The following ANO5 variants were observed in gnomAD, a reference collection of about 807,000 sequenced individuals.
The protein encoded by ANO5 is anoctamin-5.
Under a neutral mutation model 121.0 loss-of-function variants are expected in ANO5, and 109 were observed. The observed-to-expected ratio is 0.90, with a 90% CI of 0.77 to 1.06. ANO5 has a LOEUF of 1.06. Ranked by LOEUF, ANO5 falls within the 50% of genes least tolerant of loss-of-function variation. ANO5 has a pLI of 0.00. For synonymous variants in ANO5, 406 were observed against 359.9 expected, an observed-to-expected ratio of 1.13 and a Z score of -1.45; for missense variants, 1,064 against 1,078.5, an observed-to-expected ratio of 0.99 and a Z score of 0.19.
At chr11:22,234,228 TC>T (rs1282032776) in intron 7 of ANO5, among the ~76,000 whole-genome samples, 2 of 152,114 alleles carry the variant, frequency 1.3e-5, no homozygotes, top group East Asian at 3.9e-4. Context: ...TTGGTCCTCT[TC>T]AATTAGGACA....
chr11:22,201,487 G>T (rs1422154052), intron 1 of ANO5, among the ~76,000 whole-genome samples: 1 of 152,146 alleles, frequency 6.6e-6, no homozygotes, highest in Non-Finnish European at 1.5e-5. Context: ...TCTGAAGGAT[G>T]TGAAGAATTA....
chr11:22,270,637 A>C (rs1039267277), intron 18 of ANO5, among the ~76,000 whole-genome samples, 195 bp downstream of exon 18: 1 of 152,202 alleles, frequency 6.6e-6, no homozygotes, highest in Non-Finnish European at 1.5e-5. Context: ...TGCAGAATAA[A>C]GTTTAGCTTC....
At chr11:22,275,454 A>G (rs761931075) in intron 20 of ANO5, among the ~76,000 whole-genome samples, 2 of 151,930 alleles carry the variant, frequency 1.3e-5, no homozygotes, top group African/African-American at 2.4e-5. Context: ...GAGTATAGTT[A>G]AATCATAGCC....
Position 22,257,630 on chromosome 11 carries a change from G to T in ANO5, c.1333-50G>T. ...GATATTGACTAGTGCTTGGAGTCTT[G>T]ACTTAGAGGGGAGATTTTGAATTTC... On this transcript the variant is annotated intron_variant, in intron 13 of 21. Transcript: ENST00000324559. 3 of 1,470,456 alleles carry T rather than the reference G, an allele frequency of 2.0e-6. No homozygotes were observed. In the South Asian group the frequency reaches 3.4e-5, roughly 17 times the overall value. 91.1% of individuals were successfully genotyped at this position (1,470,456 alleles called of 1,614,324 possible).
chr11:22,251,505 C>T (rs532779759), intron 12 of ANO5, among the ~76,000 whole-genome samples: 1 of 152,232 alleles, frequency 6.6e-6, no homozygotes, highest in South Asian at 2.1e-4. Flanking sequence ...TTTGAAAATG[C>T]CCTGCCCAGG....
intron 4 of ANO5, 96 bp downstream of exon 4, chr11:22,218,383 A>G: frequency 6.8e-7 from 1 of 1,480,252 alleles, no homozygotes; most frequent in Non-Finnish European, 9.4e-7. Context: ...ATTTGGGGGA[A>G]CATTGTCACT....
intron 3 of ANO5, among the ~76,000 whole-genome samples, chr11:22,211,555 A>G (rs528566738): frequency 6.6e-6 from 1 of 151,994 alleles, no homozygotes; most frequent in African/African-American, 2.4e-5. Flanking sequence ...TATTTTTTCT[A>G]TGAGAAAATG....
intron 1 of ANO5, among the ~76,000 whole-genome samples, chr11:22,202,479 C>A (rs1851994737): frequency 6.6e-6 from 1 of 151,962 alleles, no homozygotes; most frequent in African/African-American, 2.4e-5. Flanking sequence ...TTGACTTATA[C>A]AATTGCTTTA....
intron 18 of ANO5, among the ~76,000 whole-genome samples, chr11:22,272,518 A>T (rs1854658623): frequency 6.6e-6 from 1 of 152,182 alleles, no homozygotes; most frequent in East Asian, 1.9e-4. Flanking sequence ...AGAGGAATAG[A>T]ATCTTCCTTG....
chr11:22,210,454 A>G (rs1852242554), intron 2 of ANO5, among the ~76,000 whole-genome samples: 1 of 152,004 alleles, frequency 6.6e-6, no homozygotes, highest in Non-Finnish European at 1.5e-5. Flanking sequence ...TTATTTGGGC[A>G]TAATGAGATA....
intron 12 of ANO5, among the ~76,000 whole-genome samples, chr11:22,252,047 A>C (rs1234481206): frequency 1.4e-5 from 2 of 138,288 alleles, no homozygotes; most frequent in African/African-American, 6.2e-5. Flanking sequence ...AAAAAAAAAA[A>C]AAAAAAAAAA....
chr11:22,206,983 T>A (rs1411077064), intron 2 of ANO5, among the ~76,000 whole-genome samples: 1 of 152,086 alleles, frequency 6.6e-6, no homozygotes, highest in East Asian at 1.9e-4. Context: ...CCAGGTGACA[T>A]GACGATGTAC....
chr11:22,221,597 A>G (rs1852653330), intron 5 of ANO5, among the ~76,000 whole-genome samples: 1 of 152,000 alleles, frequency 6.6e-6, no homozygotes. Context: ...ATTGTACTCT[A>G]TTCCTGATTC....
At chr11:22,235,608 A>C (rs948810743) in intron 7 of ANO5, among the ~76,000 whole-genome samples, 3 of 152,174 alleles carry the variant, frequency 2.0e-5, no homozygotes, top group Admixed American at 1.3e-4. Flanking sequence ...GAATTCACAG[A>C]AATACAAGAG....
intron 2 of ANO5, among the ~76,000 whole-genome samples, chr11:22,207,264 G>C (rs1266327431): frequency 6.6e-6 from 1 of 152,026 alleles, no homozygotes; most frequent in African/African-American, 2.4e-5. Flanking sequence ...AAGAAAGTGG[G>C]AGAAAACCCT....
intron 8 of ANO5, among the ~76,000 whole-genome samples, chr11:22,238,102 C>CTAATTTGTGGG: frequency 6.6e-6 from 1 of 152,020 alleles, no homozygotes; most frequent in Admixed American, 6.6e-5. Flanking sequence ...GGTGCAGAAC[C>CTAATTTGTGGG]TGCAGATACA....
chr11:22,249,130 A>G (rs1853716408), intron 9 of ANO5, among the ~76,000 whole-genome samples: 1 of 152,052 alleles, frequency 6.6e-6, no homozygotes. Flanking sequence ...ACAATGCAAC[A>G]ATGTTCATCA....
In ANO5 at chr11:22,278,239, T is replaced by C. The variant is rs116027456; in HGVS notation, c.2521-1305T>C. On this transcript the variant is annotated intron_variant, in intron 21 of 21. Transcript: ENST00000324559. ...GAAGCTTCACAAGATGGTTCTTTGC[T>C]ATTTGTCAATATTCATTGTTTTAAA... Among the ~76,000 whole-genome samples the C allele has an allele frequency of 6.5e-3, 988 of 151,792 alleles. 9 individuals are homozygous for C. Among genetic ancestry groups the C allele is most frequent in the African/African-American group, 0.022 (933 of 41,512 alleles).
At position 22,259,706 on chromosome 11, in the gene ANO5, T is replaced by C; in HGVS notation, c.1595T>C (p.Phe532Ser). Reference sequence around the variant, plus strand: ...ATTGTCATCTTGATCTTGAATTTCTTTTATGAAAAGATATCTGCCTGGATC... The same window carrying C: ...ATTGTCATCTTGATCTTGAATTTCTCTTATGAAAAGATATCTGCCTGGATC... Reference protein sequence around the residue: ...NFIVILILNFFYEKISAWITK... With the variant: ...NFIVILILNFSYEKISAWITK... The change falls in exon 15 of 22, where the codon TTT becomes TCT. Residue 532 changes from phenylalanine (F) to serine (S), a missense_variant. Coordinates refer to ENST00000324559, the MANE Select transcript of ANO5 (RefSeq NM_213599.3). The C allele has an allele frequency of 6.2e-7, 1 of 1,613,972 alleles. No homozygotes were observed. The highest frequency in any genetic ancestry group is 8.5e-7 in the Non-Finnish European group (1 of 1,179,916).
Sources: gnomAD v4.1 joint callset for allele counts (sites outside exome capture counted in the v4.1 genomes callset) on GRCh38, gnomAD v4.1.1 for gene constraint, MANE v1.5 for transcripts, NCBI Gene and HGNC (gene_info 2026-07-23, HGNC 2026-07-21) for gene names.